Variants in TKTL1 observed in about 807,000 individuals in gnomAD.
TKTL1 encodes the protein transketolase like 1.
TKTL1 carries 1 observed loss-of-function variant against 39.3 expected under a neutral mutation model. That is an observed-to-expected ratio of 0.03 (90% CI 0.01 to 0.12). TKTL1 has a LOEUF of 0.12. Among genes scored for constraint, TKTL1 ranks in the 10% least tolerant of loss-of-function variants. The pLI is 1.00. For missense variants in TKTL1, 575 were observed against 509.6 expected, an observed-to-expected ratio of 1.13 and a Z score of -1.24; for synonymous variants, 262 against 193.8, an observed-to-expected ratio of 1.35 and a Z score of -2.92.
intron 7 of TKTL1, among the ~76,000 whole-genome samples, chrX:154,318,762 C>A (rs1048931996): frequency 3.8e-5 from 4 of 105,609 alleles, no homozygotes; most frequent in African/African-American, 1.4e-4. Flanking sequence ...ATAGTGAGAC[C>A]TGGTCTGTAA....
intron 1 of TKTL1, chrX:154,304,811 C>T (rs1557166780): frequency 3.5e-6 from 1 of 285,712 alleles, no homozygotes; most frequent in Non-Finnish European, 6.5e-6. Context: ...GCTGGACTCA[C>T]ATGCAGGCCG....
chrX:154,321,628 G>A (rs1165311694), intron 8 of TKTL1, among the ~76,000 whole-genome samples: 2 of 108,247 alleles, frequency 1.8e-5, no homozygotes, highest in East Asian at 2.9e-4. Flanking sequence ...CTTGGGAAAC[G>A]TCAGAGAGTC....
At chrX:154,308,125 G>T (rs1391906371) in intron 2 of TKTL1, among the ~76,000 whole-genome samples, 1 of 112,014 alleles carries the variant, frequency 8.9e-6, no homozygotes, top group Non-Finnish European at 1.9e-5. Context: ...GTCAATAGAT[G>T]GAGTGTCAGG....
intron 7 of TKTL1, among the ~76,000 whole-genome samples, chrX:154,315,604 G>A (rs1235875854): frequency 1.8e-5 from 2 of 111,266 alleles, no homozygotes; most frequent in Non-Finnish European, 3.8e-5. Context: ...GGTCCTCTGA[G>A]CCTCGAACCA....
intron 1 of TKTL1, chrX:154,305,092 G>C: frequency 8.7e-7 from 1 of 1,145,748 alleles, no homozygotes; most frequent in Non-Finnish European, 1.2e-6. Flanking sequence ...CTGCGGTTAG[G>C]AGCTGGCCTC....
chrX:154,295,799 T>G lies in TKTL1; in HGVS notation c.-61T>G, dbSNP rs189318307. ...CGCACTGGGCAGCTCGCAGGCGCCA[T>G]TCGCTCTTCAGACGCCGGAGACGTA... On this transcript the variant is annotated 5_prime_UTR_variant, in exon 1 of 13. Transcript: ENST00000369915. 8.5e-7 allele frequency: 1 copy of G among 1,176,720 alleles called. No individual in the cohort carries two copies. The highest frequency in any genetic ancestry group is 3.0e-5 in the East Asian group (1 of 33,261).
chrX:154,310,797 T>TC, intron 3 of TKTL1, 39 bp from the exon 4 acceptor site: 3 of 1,139,396 alleles, frequency 2.6e-6, no homozygotes, highest in Non-Finnish European at 2.4e-6. Flanking sequence ...GCCCAGATGA[T>TC]CCCCCACAGG....
At chrX:154,308,580 A>AG (rs1285801906) in intron 2 of TKTL1, among the ~76,000 whole-genome samples, 1 of 112,005 alleles carries the variant, frequency 8.9e-6, no homozygotes, top group African/African-American at 3.2e-5. Flanking sequence ...GACAGAGGCA[A>AG]GGGATGTTTA....
intron 9 of TKTL1, among the ~76,000 whole-genome samples, chrX:154,323,693 T>A (rs1321218422): frequency 1.8e-5 from 2 of 112,076 alleles, no homozygotes; most frequent in African/African-American, 6.5e-5. Context: ...AGTGTTAGTC[T>A]CCAGTGGCTG....
chrX:154,320,129 G>A (rs2067437004), intron 7 of TKTL1, among the ~76,000 whole-genome samples: 1 of 112,202 alleles, frequency 8.9e-6, no homozygotes, highest in Non-Finnish European at 1.9e-5. Context: ...TGAGATCAGG[G>A]GCCAAGTCAA....
chrX:154,304,035 G>A (rs1557166615), intron 1 of TKTL1, among the ~76,000 whole-genome samples: 1 of 110,699 alleles, frequency 9.0e-6, no homozygotes, highest in East Asian at 2.8e-4. Context: ...CAAGGATGGG[G>A]TGGGAGTGTG....
At position 154,311,060 on chromosome X, in the gene TKTL1, C is replaced by T. The variant is rs782129857; in HGVS notation, c.542+33C>T. 5 of 1,208,451 alleles carry T rather than the reference C, an allele frequency of 4.1e-6. No homozygotes were observed. In the Admixed American group the frequency reaches 8.8e-5, roughly 21 times the overall value. On this transcript the variant is annotated intron_variant, in intron 4 of 12. Transcript: ENST00000369915. ...TATTCTCTTGTGCTTGATTTCCATTCTGTCCTGCCCCCTTCATCTCTTGTA... is the reference window on the plus strand; with the variant it reads ...TATTCTCTTGTGCTTGATTTCCATTTTGTCCTGCCCCCTTCATCTCTTGTA...
rs1557164283 is a variant in TKTL1 at position 154,295,949 on chromosome X, C to T, written c.90C>T (p.Arg30=). The change falls in exon 1 of 13, where the codon CGC becomes CGT. Residue 30 remains arginine (R), a synonymous_variant. Coordinates refer to ENST00000369915, the MANE Select transcript of TKTL1 (RefSeq NM_012253.4). ...TLQVLQDMAS[R]LRIHSIRATC... The stretch of plus-strand genomic sequence containing the variant: ...AGGTGTTGCAAGATATGGCCAGCCG[C>T]TTGCGAATCCATTCCATCAGGGCCA... The T allele has an allele frequency of 5.8e-6, 7 of 1,211,969 alleles. No homozygotes were observed. The highest frequency in any genetic ancestry group is 3.5e-5 in the African/African-American group (2 of 57,854).
intron 2 of TKTL1, among the ~76,000 whole-genome samples, chrX:154,307,934 G>A (rs934083067): frequency 8.9e-6 from 1 of 111,740 alleles, no homozygotes; most frequent in Non-Finnish European, 1.9e-5. Context: ...AGCATGCAGA[G>A]AATTCCGGGG....
chrX:154,298,390 A>C (rs1432376952), intron 1 of TKTL1, among the ~76,000 whole-genome samples: 1 of 111,157 alleles, frequency 9.0e-6, no homozygotes, highest in Non-Finnish European at 1.9e-5. Context: ...CCCATCTATT[A>C]ATAGCTAGTT....
intron 5 of TKTL1, among the ~76,000 whole-genome samples, chrX:154,311,565 G>A (rs781917919): frequency 2.7e-5 from 3 of 110,971 alleles, no homozygotes; most frequent in African/African-American, 6.6e-5. Flanking sequence ...ATGAGCAGGT[G>A]CAAGAAATAA....
intron 1 of TKTL1, among the ~76,000 whole-genome samples, chrX:154,298,031 T>A (rs1401731487): frequency 3.6e-5 from 4 of 112,097 alleles, no homozygotes; most frequent in Non-Finnish European, 5.6e-5. Flanking sequence ...TTAGTCTCCT[T>A]ACTAGTTAGT....
At chrX:154,300,362 G>A in intron 1 of TKTL1, among the ~76,000 whole-genome samples, 1 of 112,283 alleles carries the variant, frequency 8.9e-6, no homozygotes, top group Non-Finnish European at 1.9e-5. Flanking sequence ...ATTGCTTTGG[G>A]CAGTATGGCC....
intron 1 of TKTL1, among the ~76,000 whole-genome samples, chrX:154,302,483 T>TC (rs1297622399): frequency 2.6e-4 from 29 of 110,169 alleles, no homozygotes; most frequent in African/African-American, 6.9e-4. Context: ...AGCACTACCT[T>TC]CCCCCCCGTA....
Sources: gnomAD v4.1 joint callset for allele counts (sites outside exome capture counted in the v4.1 genomes callset) on GRCh38, gnomAD v4.1.1 for gene constraint, MANE v1.5 for transcripts, NCBI Gene and HGNC (gene_info 2026-07-23, HGNC 2026-07-21) for gene names.